Variants in MED23 observed in about 807,000 individuals in gnomAD.
MED23 encodes the protein mediator complex subunit 23, also known as mediator of RNA polymerase II transcription subunit 23.
A neutral mutation model predicts 163.9 loss-of-function variants in MED23; 105 were observed. The ratio of observed to expected loss-of-function variants is 0.64; its 90% CI spans 0.55 to 0.75. The LOEUF (loss-of-function observed/expected upper bound fraction) is 0.75. Ranked by LOEUF, MED23 falls within the 30% of genes least tolerant of loss-of-function variation. The pLI, the probability that MED23 is intolerant of heterozygous loss-of-function variation, is 0.00. For missense variants in MED23, 1,054 were observed against 1,649.0 expected (o/e 0.64, Z 6.25); for synonymous variants, 561 against 565.6 (o/e 0.99, Z 0.12).
chr6:131,606,734 TCTTA>T, intron 12 of MED23, 110 bp from the exon 13 acceptor site: 1 of 992,422 alleles, frequency 1.0e-6, no homozygotes, highest in Non-Finnish European at 1.5e-6. Context: ...GCATATCATG[TCTTA>T]CTTTAGCCCC....
In MED23 at chr6:131,603,020, A is replaced by G; in HGVS notation, c.1931+10T>C. ...AAATCTTAAGGAAAGATGGTCTTCA[A>G]TGAGCTCACCAAAGATGGAGCTGGT... is the stretch of plus-strand genomic sequence containing the variant. On this transcript the variant is annotated intron_variant, in intron 16 of 28. Coordinates refer to ENST00000368068, the MANE Select transcript of MED23 (RefSeq NM_004830.4). The G allele has an allele frequency of 6.2e-7, 1 of 1,613,488 alleles. No homozygotes were observed. Among genetic ancestry groups the G allele is most frequent in the Admixed American group, 1.7e-5 (1 of 60,008 alleles).
At chr6:131,589,343 T>C (rs1774417116) in intron 28 of MED23, 122 bp downstream of exon 28, 1 of 966,592 alleles carries the variant, frequency 1.0e-6, no homozygotes, top group Admixed American at 2.4e-5. Flanking sequence ...CCCACCCTTT[T>C]TCCTTAAAAG....
chr6:131,617,791 T>C (rs1025130933), intron 9 of MED23, among the ~76,000 whole-genome samples: 1 of 152,134 alleles, frequency 6.6e-6, no homozygotes, highest in African/African-American at 2.4e-5. Context: ...ATGCAACAAT[T>C]TAGAGGGACT....
intron 22 of MED23, among the ~76,000 whole-genome samples, 173 bp from the exon 23 acceptor site, chr6:131,594,508 C>T (rs1774894999): frequency 6.6e-6 from 1 of 152,128 alleles, no homozygotes; most frequent in South Asian, 2.1e-4. Flanking sequence ...AGGCAGAAGG[C>T]TCAGAATGTT....
chr6:131,618,829 A>C (rs148484317), intron 8 of MED23, among the ~76,000 whole-genome samples: 36 of 152,332 alleles, frequency 2.4e-4, no homozygotes, highest in Non-Finnish European at 4.4e-4. Flanking sequence ...GTTTTATTGG[A>C]ACACCACTGC....
At chr6:131,580,850 T>A (rs961032817) in intron 30 of MED23, among the ~76,000 whole-genome samples, 2 of 152,216 alleles carry the variant, frequency 1.3e-5, no homozygotes, top group Admixed American at 1.3e-4. Context: ...CAGAAAATGA[T>A]CCAAATTTAA....
chr6:131,607,219 A>G (rs1267583227), intron 12 of MED23, among the ~76,000 whole-genome samples: 1 of 151,476 alleles, frequency 6.6e-6, no homozygotes, highest in Non-Finnish European at 1.5e-5. Flanking sequence ...CAGCTAGTGC[A>G]TGGTGGGGTT....
At chr6:131,628,243 G>T, upstream of MED23, 1 of 635,862 alleles carries the variant, frequency 1.6e-6, no homozygotes, top group Non-Finnish European at 2.8e-6. Context: ...TACGGAAGAC[G>T]GGAAGGGCCC....
chr6:131,626,265 T>A (rs1777495787), intron 3 of MED23, among the ~76,000 whole-genome samples: 1 of 152,096 alleles, frequency 6.6e-6, no homozygotes, highest in Non-Finnish European at 1.5e-5. Context: ...CAATACTATT[T>A]CTAGGAATTT....
In MED23 at chr6:131,625,972, A is replaced by AT. The variant is rs559932158; in HGVS notation, c.160-984dup. ...CCCGTCTCTACTAAAAATACAAAAA[A>AT]TGAGCCGGGCGTGATAGCAGGTGCC... On this transcript the variant is annotated intron_variant, in intron 3 of 28. Transcript: ENST00000368068. 7.1e-3 allele frequency among the ~76,000 whole-genome samples: 1,078 copies of AT among 151,824 alleles called. 5 individuals are homozygous for AT. Among genetic ancestry groups the AT allele is most frequent in the Non-Finnish European group, 0.011 (780 of 67,920 alleles).
intron 9 of MED23, among the ~76,000 whole-genome samples, chr6:131,617,414 T>C (rs1776772420): frequency 6.6e-6 from 1 of 151,324 alleles, no homozygotes; most frequent in Non-Finnish European, 1.5e-5. Context: ...AAGACTATGC[T>C]ATTGTAACTA....
At chr6:131,602,135 G>T in intron 17 of MED23, 83 bp downstream of exon 17, 1 of 1,433,170 alleles carries the variant, frequency 7.0e-7, no homozygotes, top group Non-Finnish European at 9.8e-7. Flanking sequence ...TATCTTTTTA[G>T]TATGTTACAA....
chr6:131,587,560 C>A lies in MED23; in HGVS notation c.*119G>T. The A allele has an allele frequency of 1.3e-6, 2 of 1,544,374 alleles. No homozygotes were observed. Among genetic ancestry groups the A allele is most frequent in the Non-Finnish European group, 1.7e-6 (2 of 1,144,460 alleles). ...ATCATTTGAATCAAAATAAAACAAT[C>A]TGAATATCATCACTGCTTCTACTAT... On this transcript the variant is annotated 3_prime_UTR_variant, in exon 29 of 29. Transcript: ENST00000368068.
chr6:131,601,800 T>G (rs1180576659), intron 17 of MED23, among the ~76,000 whole-genome samples: 2 of 152,154 alleles, frequency 1.3e-5, no homozygotes, highest in African/African-American at 4.8e-5. Flanking sequence ...ACATCATATA[T>G]TAACATGTAA....
At chr6:131,589,662 C>T (rs1774441434) in intron 27 of MED23, 66 bp from the exon 28 acceptor site, 1 of 1,515,998 alleles carries the variant, frequency 6.6e-7, no homozygotes, top group Non-Finnish European at 9.1e-7. Context: ...CATGATGCAG[C>T]TGGGCTCCAT....
intron 15 of MED23, 112 bp from the exon 16 acceptor site, chr6:131,603,316 C>T (rs578199285): frequency 1.7e-5 from 17 of 975,540 alleles, no homozygotes; most frequent in Middle Eastern, 2.1e-4. Flanking sequence ...AAAATACACA[C>T]GCCCACACAC....
chr6:131,585,433 A>G (rs922375189), downstream of MED23, among the ~76,000 whole-genome samples: 1 of 152,072 alleles, frequency 6.6e-6, no homozygotes, highest in Non-Finnish European at 1.5e-5. Flanking sequence ...TCCTCTAATA[A>G]CTCCTAGGCC....
At chr6:131,583,923 G>A (rs1240654191), downstream of MED23, 7 of 1,612,710 alleles carry the variant, frequency 4.3e-6, no homozygotes, top group African/African-American at 2.7e-5. Context: ...GGAAACATCC[G>A]ATATAAATCT....
intron 23 of MED23, 82 bp from the exon 24 acceptor site, chr6:131,593,253 T>C (rs1774784696): frequency 1.3e-6 from 2 of 1,537,332 alleles, no homozygotes; most frequent in African/African-American, 2.7e-5. Flanking sequence ...AAGAAGTGAT[T>C]TGTCTACGCT....
Sources: allele counts gnomAD v4.1 joint callset (sites outside exome capture counted in the v4.1 genomes callset), GRCh38; gene constraint gnomAD v4.1.1; transcripts MANE v1.5; gene names NCBI Gene and HGNC (gene_info 2026-07-23, HGNC 2026-07-21).